Variants in ITGA2 observed in about 807,000 individuals in gnomAD.
The protein encoded by ITGA2 is integrin alpha-2.
Under a neutral mutation model 146.3 loss-of-function variants are expected in ITGA2, and 101 were observed. That is an observed-to-expected ratio of 0.69 (90% confidence interval 0.59 to 0.81). The LOEUF (loss-of-function observed/expected upper bound fraction) is 0.81. ITGA2 is among the 40% of genes least tolerant of loss of function. The pLI is 0.00. For synonymous variants in ITGA2, 477 were observed against 487.1 expected, an observed-to-expected ratio of 0.98 and a Z score of 0.27; for missense variants, 1,281 against 1,402.7, an observed-to-expected ratio of 0.91 and a Z score of 1.39.
At chr5:52,996,785 T>C (rs1741280971) in intron 1 of ITGA2, among the ~76,000 whole-genome samples, 2 of 152,346 alleles carry the variant, frequency 1.3e-5, no homozygotes, top group African/African-American at 4.8e-5. Context: ...TTTAGAAATA[T>C]AGATTTATGT....
intron 2 of ITGA2, among the ~76,000 whole-genome samples, chr5:53,029,588 C>T (rs1431617839): frequency 1.3e-5 from 2 of 152,174 alleles, no homozygotes; most frequent in Non-Finnish European, 2.9e-5. Flanking sequence ...ATATAGCACT[C>T]GACTGCTCTC....
chr5:53,050,888 A>G (rs1744326523), intron 6 of ITGA2, among the ~76,000 whole-genome samples: 2 of 152,240 alleles, frequency 1.3e-5, no homozygotes, highest in Admixed American at 1.3e-4. Flanking sequence ...GAGGAAATTC[A>G]GCACAATAAA....
chr5:53,003,773 T>G (rs1741695688), intron 1 of ITGA2, among the ~76,000 whole-genome samples: 1 of 152,194 alleles, frequency 6.6e-6, no homozygotes, highest in African/African-American at 2.4e-5. Flanking sequence ...AGTAGTAACT[T>G]AATAAACTTA....
chr5:53,006,751 C>CAA (rs1161320478), intron 1 of ITGA2, among the ~76,000 whole-genome samples: 1 of 152,178 alleles, frequency 6.6e-6, no homozygotes, highest in Non-Finnish European at 1.5e-5. Flanking sequence ...CCTCCCTGTG[C>CAA]ACTTCCCTTC....
At chr5:53,011,742 G>C (rs1400833636) in intron 1 of ITGA2, among the ~76,000 whole-genome samples, 2 of 151,666 alleles carry the variant, frequency 1.3e-5, no homozygotes, top group African/African-American at 4.9e-5. Context: ...TGAGTGGGGG[G>C]GAGTGAGGGG....
intron 12 of ITGA2, 66 bp from the exon 13 acceptor site, chr5:53,062,720 T>C (rs1343829471): frequency 1.3e-6 from 2 of 1,517,920 alleles, no homozygotes; most frequent in Admixed American, 3.4e-5. Context: ...CAAGTAAATG[T>C]TCAGTGTAAT....
chr5:53,093,013 G>A lies in ITGA2; in HGVS notation c.*2414G>A, dbSNP rs200790251. ...CCAGTTACTCGGGAAGCTGAGGCAGGAGAATCACTTGAACCCGGGAGGCAG... is the reference window on the plus strand; with the variant it reads ...CCAGTTACTCGGGAAGCTGAGGCAGAAGAATCACTTGAACCCGGGAGGCAG... On this transcript the variant is annotated 3_prime_UTR_variant, in exon 30 of 30. Transcript: ENST00000296585. 1 of 152,504 alleles carries A rather than the reference G, an allele frequency of 6.6e-6. No homozygotes were observed. Among genetic ancestry groups the A allele is most frequent in the East Asian group, 1.9e-4 (1 of 5,188 alleles). The allele number at this position is 152,504 out of a possible 1,614,324, so 9.4% of individuals were successfully genotyped here. A position where few individuals can be genotyped will look rare whatever the true frequency, so the allele number is the denominator to read the frequency against.
intron 1 of ITGA2, among the ~76,000 whole-genome samples, chr5:52,992,472 C>T (rs942579531): frequency 1.3e-5 from 2 of 152,176 alleles, no homozygotes; most frequent in African/African-American, 2.4e-5. Context: ...GAATTTAATA[C>T]GTGTCCTCCA....
At chr5:53,082,610 C>G (rs984024494) in intron 26 of ITGA2, among the ~76,000 whole-genome samples, 2 of 152,134 alleles carry the variant, frequency 1.3e-5, no homozygotes, top group African/African-American at 2.4e-5. Context: ...CAGCCTCCCC[C>G]ACTATCAAAA....
chr5:53,015,602 A>T (rs1579801195), intron 1 of ITGA2, among the ~76,000 whole-genome samples: 1 of 152,208 alleles, frequency 6.6e-6, no homozygotes, highest in Non-Finnish European at 1.5e-5. Flanking sequence ...GATGTCTATT[A>T]GGTCCATTTG....
intron 13 of ITGA2, among the ~76,000 whole-genome samples, chr5:53,064,254 T>TTAGTAA (rs1265245318): frequency 6.6e-6 from 1 of 151,912 alleles, no homozygotes; most frequent in Non-Finnish European, 1.5e-5. Flanking sequence ...ATTCAAGATA[T>TTAGTAA]TAGTAATTTT....
Position 53,062,911 on chromosome 5 carries a change from C to T in ITGA2, c.1584C>T (p.Tyr528=). 1 of 1,609,370 alleles carries T rather than the reference C, an allele frequency of 6.2e-7. No individual in the cohort carries two copies. The highest frequency in any genetic ancestry group is 8.5e-7 in the Non-Finnish European group (1 of 1,177,312). ...TAAAGAAAGAGGAAGGAAGAGTCTA[C>T]CTGTTTACTATCAAAGAGGTAAAAA... ...SDLKKEEGRV[Y]LFTIKEGILG... is the part of the protein sequence containing the mutation. Residue 528 remains tyrosine, a synonymous_variant, in exon 13 of 30, where the codon TAC becomes TAT. Coordinates refer to ENST00000296585, the MANE Select transcript of ITGA2 (RefSeq NM_002203.4).
chr5:53,051,631 A>T, intron 7 of ITGA2, 72 bp downstream of exon 7: 1 of 1,455,142 alleles, frequency 6.9e-7, no homozygotes, highest in Non-Finnish European at 9.6e-7. Context: ...AATATGAAAA[A>T]GTAAGGAAAA....
rs1317693955 is a variant in ITGA2, at chr5:53,090,426, G to C, written c.3466-93G>C. ...CTTCAGAGCCTCAGGGATTCCCAGAGGTGCATCAGAGGACGTGGGCAGCCA... is the reference window on the plus strand; with the variant it reads ...CTTCAGAGCCTCAGGGATTCCCAGACGTGCATCAGAGGACGTGGGCAGCCA... On this transcript the variant is annotated intron_variant, in intron 29 of 29. Coordinates refer to ENST00000296585, the MANE Select transcript of ITGA2 (RefSeq NM_002203.4). 4.1e-6 allele frequency: 4 copies of C among 975,430 alleles called. No individual in the cohort carries two copies. In the Admixed American group the frequency reaches 7.0e-5, roughly 17 times the overall value. The allele number at this position is 975,430 out of a possible 1,614,324, so 60.4% of individuals were successfully genotyped here.
At chr5:53,064,034 T>G (rs531082921) in intron 13 of ITGA2, among the ~76,000 whole-genome samples, 1 of 152,028 alleles carries the variant, frequency 6.6e-6, no homozygotes, top group Non-Finnish European at 1.5e-5. Context: ...TTTCCATACT[T>G]GATCATAAAA....
At chr5:52,997,807 C>A (rs1408913372) in intron 1 of ITGA2, among the ~76,000 whole-genome samples, 1 of 152,192 alleles carries the variant, frequency 6.6e-6, no homozygotes, top group Non-Finnish European at 1.5e-5. Context: ...TCCTGGATTT[C>A]ATAACCTCTT....
At position 53,090,623 on chromosome 5, in the gene ITGA2, G is replaced by C. The variant is rs749328236; in HGVS notation, c.*24G>C. 13 of 1,582,338 alleles carry C rather than the reference G, an allele frequency of 8.2e-6. No individual in the cohort carries two copies. Among genetic ancestry groups the C allele is most frequent in the Non-Finnish European group, 1.1e-5 (13 of 1,151,210 alleles). On this transcript the variant is annotated 3_prime_UTR_variant, in exon 30 of 30. Coordinates refer to ENST00000296585, the MANE Select transcript of ITGA2 (RefSeq NM_002203.4). Reference sequence around the variant, plus strand: ...GAACCAGCAGACCTACCTGCAGTGGGAACCGGCAGCATCCCAGCCAGGGTT... The same window carrying C: ...GAACCAGCAGACCTACCTGCAGTGGCAACCGGCAGCATCCCAGCCAGGGTT...
At chr5:53,033,833 G>A (rs920344152) in intron 2 of ITGA2, among the ~76,000 whole-genome samples, 2 of 150,538 alleles carry the variant, frequency 1.3e-5, no homozygotes, top group African/African-American at 4.9e-5. Flanking sequence ...GGGCAATCTC[G>A]GCTCACTGCA....
At position 53,064,921 on chromosome 5, in the gene ITGA2, G is replaced by T. The variant is rs1378008008; in HGVS notation, c.1612G>T (p.Gly538Cys). ...YLFTIKEGIL[G>C]QHQFLEGPEG... is the part of the protein sequence containing the mutation. The stretch of plus-strand genomic sequence containing the variant: ...GTTTCCCCTTTGCAAGGGCATTTTG[G>T]GTCAGCACCAATTTCTTGAAGGCCC... Residue 538 changes from glycine (G) to cysteine (C), a missense_variant, in exon 14 of 30, where the codon GGT (glycine) becomes TGT (cysteine). Physicochemically the swap from Gly to Cys is radical, Grantham distance 159. Coordinates refer to ENST00000296585, the MANE Select transcript of ITGA2 (RefSeq NM_002203.4). 6.2e-7 allele frequency: 1 copy of T among 1,612,536 alleles called. No homozygotes were observed.
Sources: allele counts gnomAD v4.1 joint callset (sites outside exome capture counted in the v4.1 genomes callset), GRCh38; gene constraint gnomAD v4.1.1; transcripts MANE v1.5; gene names NCBI Gene and HGNC (gene_info 2026-07-23, HGNC 2026-07-21).